Variants in CHRM3 observed in about 807,000 individuals in gnomAD.
CHRM3 encodes muscarinic acetylcholine receptor M3.
A neutral mutation model predicts 41.8 loss-of-function variants in CHRM3; 11 were observed. That is an observed-to-expected ratio of 0.26 (90% confidence interval 0.17 to 0.44). The LOEUF (loss-of-function observed/expected upper bound fraction) is 0.44. Ranked by LOEUF, CHRM3 falls within the 20% of genes least tolerant of loss-of-function variation. The pLI, the probability that CHRM3 is intolerant of heterozygous loss-of-function variation, is 1.00. For synonymous variants in CHRM3, 297 were observed against 301.4 expected, an observed-to-expected ratio of 0.99 and a Z score of 0.15; for missense variants, 571 against 745.4, an observed-to-expected ratio of 0.77 and a Z score of 2.72.
At chr1:239,466,353 A>G (rs1558243994) in intron 1 of CHRM3, among the ~76,000 whole-genome samples, 1 of 151,940 alleles carries the variant, frequency 6.6e-6, no homozygotes, top group African/African-American at 2.4e-5. Context: ...CCTTAGTAAC[A>G]TTTTTTTCTC....
At chr1:239,750,401 T>C (rs766388726) in intron 5 of CHRM3, among the ~76,000 whole-genome samples, 7 of 152,226 alleles carry the variant, frequency 4.6e-5, no homozygotes, top group Admixed American at 6.5e-5. Context: ...AGTTTTGCAA[T>C]TTATTTAGAA....
At chr1:239,864,001 C>A (rs1382667386) in intron 6 of CHRM3, among the ~76,000 whole-genome samples, 1 of 151,594 alleles carries the variant, frequency 6.6e-6, no homozygotes, top group African/African-American at 2.4e-5. Flanking sequence ...TACTAAAAGA[C>A]CTTAGAAGAA....
intron 5 of CHRM3, among the ~76,000 whole-genome samples, chr1:239,762,726 A>G (rs1394128768): frequency 6.6e-6 from 1 of 152,208 alleles, no homozygotes; most frequent in Non-Finnish European, 1.5e-5. Context: ...GATTAGAGCT[A>G]ATTATGTCCT....
chr1:239,813,679 A>G (rs1373622211), intron 5 of CHRM3, among the ~76,000 whole-genome samples: 1 of 150,074 alleles, frequency 6.7e-6, no homozygotes, highest in Non-Finnish European at 1.5e-5. Context: ...GCACTTTGGG[A>G]GGCCGAGGCG....
chr1:239,501,814 T>C (rs1439347174), intron 2 of CHRM3, among the ~76,000 whole-genome samples: 1 of 151,998 alleles, frequency 6.6e-6, no homozygotes, highest in Non-Finnish European at 1.5e-5. Context: ...GAGATCGCGC[T>C]GCTGCACTCC....
chr1:239,759,516 G>C (rs1312000429), intron 5 of CHRM3, among the ~76,000 whole-genome samples: 2 of 152,116 alleles, frequency 1.3e-5, no homozygotes, highest in African/African-American at 2.4e-5. Flanking sequence ...TTAAACTGCA[G>C]TATTATCCAG....
chr1:239,622,410 C>G (rs994060982), intron 3 of CHRM3, among the ~76,000 whole-genome samples: 23 of 152,054 alleles, frequency 1.5e-4, no homozygotes, highest in African/African-American at 4.8e-4. Flanking sequence ...AATTGAAAAC[C>G]TTCTAGAAAG....
intron 3 of CHRM3, among the ~76,000 whole-genome samples, chr1:239,628,823 G>T (rs1321322769): frequency 3.9e-4 from 23 of 58,766 alleles, no homozygotes; most frequent in African/African-American, 1.8e-3. Flanking sequence ...CGGGGGTCAG[G>T]GGTCAGGGAC....
At chr1:239,533,654 C>T (rs1453164212) in intron 2 of CHRM3, among the ~76,000 whole-genome samples, 2 of 148,442 alleles carry the variant, frequency 1.3e-5, no homozygotes, top group Non-Finnish European at 3.0e-5. Context: ...TTGCTGGAAC[C>T]CAGGAGGCAG....
At chr1:239,468,099 G>A (rs1572401861) in intron 1 of CHRM3, among the ~76,000 whole-genome samples, 1 of 152,110 alleles carries the variant, frequency 6.6e-6, no homozygotes, top group Admixed American at 6.5e-5. Context: ...CCTTGTGAAA[G>A]GCATATATAA....
intron 3 of CHRM3, among the ~76,000 whole-genome samples, chr1:239,590,006 T>G (rs1268499532): frequency 6.6e-6 from 1 of 152,248 alleles, no homozygotes; most frequent in African/African-American, 2.4e-5. Context: ...AAAATCTTCC[T>G]TTATTTATAT....
intron 4 of CHRM3, among the ~76,000 whole-genome samples, chr1:239,658,710 C>T (rs748334816): frequency 4.6e-5 from 7 of 152,072 alleles, no homozygotes; most frequent in Middle Eastern, 3.4e-3. Flanking sequence ...TCAAGAACAT[C>T]CTCTCATAGC....
chr1:239,399,891 T>TTTTA (rs1294690837), intron 1 of CHRM3, among the ~76,000 whole-genome samples: 16 of 152,108 alleles, frequency 1.1e-4, no homozygotes, highest in South Asian at 8.3e-4. Context: ...CCTATGGTAG[T>TTTTA]TTTATTTATT....
intron 4 of CHRM3, among the ~76,000 whole-genome samples, chr1:239,641,669 G>T (rs1443528256): frequency 6.9e-6 from 1 of 145,534 alleles, no homozygotes; most frequent in Non-Finnish European, 1.5e-5. Context: ...CTCTGCACGT[G>T]AGATGGGTTT....
intron 6 of CHRM3, among the ~76,000 whole-genome samples, chr1:239,838,707 C>T (rs1474178963): frequency 1.3e-5 from 2 of 152,096 alleles, no homozygotes; most frequent in Non-Finnish European, 2.9e-5. Context: ...GGGAATTTCC[C>T]ATGATATGGC....
At position 239,910,191 on chromosome 1, in the gene CHRM3, C is replaced by T. The variant is rs1680279380; in HGVS notation, c.*967C>T. 6.0e-6 allele frequency: 1 copy of T among 166,944 alleles called. No individual in the cohort carries two copies. The highest frequency in any genetic ancestry group is 1.5e-5 in the Non-Finnish European group (1 of 68,118). 10.3% of individuals were successfully genotyped at this position (166,944 alleles called of 1,614,324 possible). On this transcript the variant is annotated 3_prime_UTR_variant, in exon 7 of 7. Coordinates refer to ENST00000676153, the MANE Select transcript of CHRM3 (RefSeq NM_001375978.1). Reference sequence around the variant, plus strand: ...CCCTCTGAGCTCAAAGAATGAACCACATCCACACGTTTGAATTTAATCATC... The same window carrying T: ...CCCTCTGAGCTCAAAGAATGAACCATATCCACACGTTTGAATTTAATCATC...
At position 239,507,631 on chromosome 1, in the gene CHRM3, T is replaced by A. The variant is rs894089626; in HGVS notation, c.-422+14824T>A. ...CATAAAGATATCACCTTCATATGGG[T>A]TATGTACCTACTGTGTTATATTTTC... On this transcript the variant is annotated intron_variant, in intron 2 of 6. Transcript: ENST00000676153. Among the ~76,000 whole-genome samples, 10 of 152,186 alleles carry A rather than the reference T, an allele frequency of 6.6e-5. No individual in the cohort carries two copies. The East Asian group carries it at 1.9e-3, about 29-fold the overall frequency.
At chr1:239,457,722 G>T (rs1249586733) in intron 1 of CHRM3, among the ~76,000 whole-genome samples, 1 of 152,156 alleles carries the variant, frequency 6.6e-6, no homozygotes, top group Non-Finnish European at 1.5e-5. Flanking sequence ...TGCTTCAGAG[G>T]TGCTCAGTTT....
intron 3 of CHRM3, among the ~76,000 whole-genome samples, chr1:239,577,073 C>T (rs1265469619): frequency 6.6e-6 from 1 of 152,052 alleles, no homozygotes; most frequent in Non-Finnish European, 1.5e-5. Context: ...GTATTATAAA[C>T]TTTATCTGTT....
Sources: gnomAD v4.1 joint callset for allele counts (sites outside exome capture counted in the v4.1 genomes callset) on GRCh38, gnomAD v4.1.1 for gene constraint, MANE v1.5 for transcripts, NCBI Gene and HGNC (gene_info 2026-07-23, HGNC 2026-07-21) for gene names.